Variants in DLG2 observed in about 807,000 individuals in gnomAD.
DLG2 encodes disks large homolog 2.
A neutral mutation model predicts 132.5 loss-of-function variants in DLG2; 45 were observed. That is an observed-to-expected ratio of 0.34 (90% CI 0.27 to 0.44). DLG2 has a LOEUF of 0.44. Ranked by LOEUF, DLG2 falls within the 20% of genes least tolerant of loss-of-function variation. The probability of loss-of-function intolerance (pLI) is 1.00; values close to 1 mark genes in which losing one functional copy is unlikely to be tolerated. For synonymous variants in DLG2, 424 were observed against 419.6 expected, an observed-to-expected ratio of 1.01 and a Z score of -0.13; for missense variants, 1,045 against 1,196.9, an observed-to-expected ratio of 0.87 and a Z score of 1.87.
intron 21 of DLG2, among the ~76,000 whole-genome samples, chr11:83,512,155 G>A (rs1255013465): frequency 6.6e-6 from 1 of 152,160 alleles, no homozygotes; most frequent in African/African-American, 2.4e-5. Flanking sequence ...AACTAGCAAA[G>A]CACAGTTCAG....
At chr11:84,671,456 T>C (rs1402364977) in intron 6 of DLG2, among the ~76,000 whole-genome samples, 5 of 151,980 alleles carry the variant, frequency 3.3e-5, no homozygotes, top group African/African-American at 1.2e-4. Flanking sequence ...ACTTTACAAC[T>C]CTATAAATGT....
chr11:84,487,611 A>G (rs1479676738), intron 7 of DLG2, among the ~76,000 whole-genome samples: 1 of 152,210 alleles, frequency 6.6e-6, no homozygotes, highest in African/African-American at 2.4e-5. Flanking sequence ...AAGATACTGT[A>G]AGTTCTGTAA....
At chr11:85,600,584 A>G (rs1409052342) in intron 2 of DLG2, among the ~76,000 whole-genome samples, 1 of 152,204 alleles carries the variant, frequency 6.6e-6, no homozygotes, top group African/African-American at 2.4e-5. Flanking sequence ...GATTCTCAAT[A>G]ATATTTTTAT....
intron 6 of DLG2, among the ~76,000 whole-genome samples, chr11:84,902,061 G>A (rs183225948): frequency 4.6e-5 from 7 of 152,006 alleles, no homozygotes; most frequent in Admixed American, 6.6e-5. Context: ...AAAAAACTAT[G>A]TACAAATGTT....
chr11:85,578,804 A>G (rs912761164), intron 3 of DLG2, among the ~76,000 whole-genome samples: 4 of 152,224 alleles, frequency 2.6e-5, no homozygotes, highest in African/African-American at 9.6e-5. Flanking sequence ...TAGTTAAACC[A>G]TCATGGAAGA....
chr11:84,148,459 T>C (rs2095170545), intron 9 of DLG2, among the ~76,000 whole-genome samples: 1 of 152,180 alleles, frequency 6.6e-6, no homozygotes, highest in Non-Finnish European at 1.5e-5. Context: ...TTCTCACTTA[T>C]AAGTGAGAAC....
rs2067248100 is a variant in DLG2, at chr11:83,643,658, T to C, written c.1826-10333A>G. The C allele has an allele frequency of 3.3e-5, 5 of 152,100 alleles. No homozygotes were observed. The South Asian group carries it at 1.0e-3, about 31-fold the overall frequency. The allele number at this position is 152,100 out of a possible 1,614,324, so 9.4% of individuals were successfully genotyped here. ...TTTGCCTGACGCCATCCATGCAAAA[T>C]GTGACTTGCTTCTTCAGCAGCAGCA... On this transcript the variant is annotated intron_variant, in intron 18 of 27. Transcript: ENST00000376104.
intron 6 of DLG2, among the ~76,000 whole-genome samples, chr11:84,773,630 A>T (rs1265771983): frequency 3.3e-5 from 5 of 152,216 alleles, no homozygotes; most frequent in African/African-American, 1.2e-4. Context: ...ATGCAAACCC[A>T]TGCAAATAAT....
At chr11:84,180,212 T>C (rs1358764530) in intron 8 of DLG2, among the ~76,000 whole-genome samples, 2 of 152,078 alleles carry the variant, frequency 1.3e-5, no homozygotes, top group African/African-American at 4.8e-5. Flanking sequence ...AAAAATGGAA[T>C]GCTGGAGGTA....
chr11:83,732,150 A>G (rs1325149805), intron 18 of DLG2, among the ~76,000 whole-genome samples: 1 of 152,224 alleles, frequency 6.6e-6, no homozygotes, highest in African/African-American at 2.4e-5. Context: ...TCATTTAAAG[A>G]GAAAGCCATT....
chr11:85,623,550 G>T (rs565189522), intron 2 of DLG2, among the ~76,000 whole-genome samples: 1 of 152,100 alleles, frequency 6.6e-6, no homozygotes, highest in Non-Finnish European at 1.5e-5. Context: ...TGATCCGCCC[G>T]CCTCGGCCTC....
At chr11:84,361,511 T>C (rs1462494786) in intron 7 of DLG2, among the ~76,000 whole-genome samples, 2 of 151,954 alleles carry the variant, frequency 1.3e-5, no homozygotes, top group Non-Finnish European at 2.9e-5. Flanking sequence ...AATCTTATAA[T>C]ATTCATTGCC....
At chr11:84,920,185 G>T (rs1370391114) in intron 6 of DLG2, among the ~76,000 whole-genome samples, 1 of 152,146 alleles carries the variant, frequency 6.6e-6, no homozygotes, top group Non-Finnish European at 1.5e-5. Flanking sequence ...AGCAGCATTG[G>T]TTTATCTTTC....
At chr11:83,922,513 A>C (rs1405135962) in intron 15 of DLG2, among the ~76,000 whole-genome samples, 2 of 152,182 alleles carry the variant, frequency 1.3e-5, no homozygotes, top group African/African-American at 4.8e-5. Context: ...TGAAATAAAG[A>C]ATTCTTTAAG....
chr11:85,351,696 C>T (rs991815681), intron 3 of DLG2, among the ~76,000 whole-genome samples: 54 of 152,056 alleles, frequency 3.6e-4, no homozygotes, highest in Non-Finnish European at 7.4e-5. Flanking sequence ...GTTCTGTTTA[C>T]GTGATGGATT....
intron 7 of DLG2, among the ~76,000 whole-genome samples, chr11:84,483,673 G>A (rs952801573): frequency 6.6e-6 from 1 of 152,180 alleles, no homozygotes; most frequent in Admixed American, 6.5e-5. Context: ...TAGGAAGAGG[G>A]TGGATGGAGG....
In DLG2 at chr11:83,509,269, T is replaced by G. The variant is rs11233648; in HGVS notation, c.2193+23439A>C. On this transcript the variant is annotated intron_variant, in intron 21 of 27. Coordinates refer to ENST00000376104, the MANE Select transcript of DLG2 (RefSeq NM_001142699.3). ...CCTTGGACTAGTTATTTAACTTTTT[T>G]AGGATTCATTTTCTTCATCTGCATC... Among the ~76,000 whole-genome samples the G allele has an allele frequency of 6.1e-3, 928 of 152,170 alleles. 14 individuals are homozygous for G. The highest frequency in any genetic ancestry group is 7.9e-3 in the Non-Finnish European group (536 of 68,002).
intron 21 of DLG2, among the ~76,000 whole-genome samples, chr11:83,516,676 C>T (rs892069511): frequency 3.9e-5 from 6 of 152,136 alleles, no homozygotes; most frequent in African/African-American, 1.4e-4. Flanking sequence ...TTGTTCATTT[C>T]CATGTTTAGT....
At chr11:84,196,068 A>T (rs557224937) in intron 8 of DLG2, among the ~76,000 whole-genome samples, 1 of 152,360 alleles carries the variant, frequency 6.6e-6, no homozygotes, top group East Asian at 1.9e-4. Flanking sequence ...CAATGAAATC[A>T]GGGAAAAGTT....
Sources: gnomAD v4.1 joint callset for allele counts (sites outside exome capture counted in the v4.1 genomes callset) on GRCh38, gnomAD v4.1.1 for gene constraint, MANE v1.5 for transcripts, NCBI Gene and HGNC (gene_info 2026-07-23, HGNC 2026-07-21) for gene names.